ANKRD44: variants seen among roughly 807,000 people sequenced by gnomAD.
ANKRD44 encodes the protein serine/threonine-protein phosphatase 6 regulatory ankyrin repeat subunit B.
ANKRD44 carries 35 observed loss-of-function variants against 116.0 expected under a neutral mutation model. The observed-to-expected ratio is 0.30, with a 90% CI of 0.23 to 0.40. The LOEUF is 0.40. Ranked by LOEUF, ANKRD44 falls within the 10% of genes least tolerant of loss-of-function variation. ANKRD44 has a pLI of 1.00. For missense variants in ANKRD44, 1,014 were observed against 1,242.6 expected, an observed-to-expected ratio of 0.82 and a Z score of 2.77; for synonymous variants, 435 against 461.8, an observed-to-expected ratio of 0.94 and a Z score of 0.74.
At chr2:197,164,314 G>A (rs557937173) in intron 2 of ANKRD44, among the ~76,000 whole-genome samples, 1 of 152,152 alleles carries the variant, frequency 6.6e-6, no homozygotes, top group Non-Finnish European at 1.5e-5. Context: ...ACCCCTCTCT[G>A]GCAGCACAAG....
At chr2:197,278,460 A>G (rs567539176) in intron 1 of ANKRD44, among the ~76,000 whole-genome samples, 17 of 151,102 alleles carry the variant, frequency 1.1e-4, no homozygotes, top group Admixed American at 3.3e-4. Context: ...GGGTTCAAGC[A>G]ATTCTCCTGC....
At chr2:197,029,702 T>C (rs2076667476) in intron 16 of ANKRD44, 2 of 261,566 alleles carry the variant, frequency 7.6e-6, no homozygotes, top group South Asian at 7.4e-5. Flanking sequence ...CGATGATGGT[T>C]TCTCATTTTG....
At chr2:197,142,281 G>A (rs1426098283) in intron 3 of ANKRD44, among the ~76,000 whole-genome samples, 1 of 152,210 alleles carries the variant, frequency 6.6e-6, no homozygotes, top group East Asian at 1.9e-4. Flanking sequence ...GAAAACGGAA[G>A]TGGTGTGATA....
chr2:197,293,606 G>C (rs2083632241), intron 1 of ANKRD44, among the ~76,000 whole-genome samples: 1 of 152,188 alleles, frequency 6.6e-6, no homozygotes, highest in South Asian at 2.1e-4. Flanking sequence ...AAGCATATTA[G>C]AGAGGAATTT....
chr2:197,110,932 A>G (rs2078550388), intron 8 of ANKRD44, 88 bp from the exon 9 acceptor site: 7 of 862,796 alleles, frequency 8.1e-6, no homozygotes, highest in Non-Finnish European at 1.2e-5. Context: ...CACTCCTAAT[A>G]ATGCCCTGAA....
intron 21 of ANKRD44, among the ~76,000 whole-genome samples, chr2:197,003,754 C>G (rs192852981): frequency 1.1e-4 from 17 of 152,266 alleles, no homozygotes; most frequent in African/African-American, 4.1e-4. Context: ...ACTCTCACTG[C>G]ATCCTTCTCC....
intron 2 of ANKRD44, among the ~76,000 whole-genome samples, chr2:197,150,593 T>A (rs768259842): frequency 6.6e-6 from 1 of 151,872 alleles, no homozygotes; most frequent in Non-Finnish European, 1.5e-5. Context: ...TAGAAGTTCA[T>A]GTGATAGTCT....
At chr2:197,231,779 C>G (rs541285322) in intron 1 of ANKRD44, among the ~76,000 whole-genome samples, 11 of 152,056 alleles carry the variant, frequency 7.2e-5, no homozygotes, top group Non-Finnish European at 1.5e-4. Flanking sequence ...GAATGTAGGG[C>G]CTTGTTCATG....
chr2:197,060,861 C>T (rs1487731979), intron 16 of ANKRD44, among the ~76,000 whole-genome samples: 1 of 152,164 alleles, frequency 6.6e-6, no homozygotes, highest in Non-Finnish European at 1.5e-5. Context: ...GGATTCCCTT[C>T]TGTTTTAAAG....
chr2:197,065,333 T>C (rs1206423897), intron 16 of ANKRD44, among the ~76,000 whole-genome samples: 1 of 152,128 alleles, frequency 6.6e-6, no homozygotes, highest in East Asian at 1.9e-4. Flanking sequence ...TAGCACTAAA[T>C]ACCCACAAGA....
chr2:197,275,095 T>C (rs2083035294), intron 1 of ANKRD44, among the ~76,000 whole-genome samples: 3 of 151,762 alleles, frequency 2.0e-5, no homozygotes, highest in Non-Finnish European at 1.5e-5. Flanking sequence ...GGTGACAGAC[T>C]GGGACTTTGT....
At chr2:197,069,763 TA>T (rs745738975) in intron 16 of ANKRD44, among the ~76,000 whole-genome samples, 44 of 152,274 alleles carry the variant, frequency 2.9e-4, no homozygotes, top group Admixed American at 1.5e-3. Context: ...ATATAAATTT[TA>T]GAAAAATCTT....
intron 17 of ANKRD44, among the ~76,000 whole-genome samples, chr2:197,016,743 CA>C (rs141774214): frequency 3.3e-5 from 5 of 151,460 alleles, no homozygotes; most frequent in Admixed American, 6.6e-5. Context: ...TCAGAATTCA[CA>C]AAAAAAAGAA....
chr2:197,034,541 T>C (rs1295724525), intron 16 of ANKRD44, among the ~76,000 whole-genome samples: 1 of 139,840 alleles, frequency 7.2e-6, no homozygotes, highest in African/African-American at 2.6e-5. Context: ...GTCCTCTGCC[T>C]AAAAAAAAAA....
chr2:196,989,475 C>T lies in ANKRD44; in HGVS notation c.*116G>A. 1 of 1,313,896 alleles carries T rather than the reference C, an allele frequency of 7.6e-7. No homozygotes were observed. The allele number at this position is 1,313,896 out of a possible 1,614,324, so 81.4% of individuals were successfully genotyped here. A position where few individuals can be genotyped will look rare whatever the true frequency, so the allele number is the denominator to read the frequency against. Reference sequence around the variant, plus strand: ...GTGTATCTTCCATTTTAGACTGAAGCATTTTGGTCCTCATGTGTAGCTGGC... The same window carrying T: ...GTGTATCTTCCATTTTAGACTGAAGTATTTTGGTCCTCATGTGTAGCTGGC... On this transcript the variant is annotated 3_prime_UTR_variant, in exon 28 of 28. Coordinates refer to ENST00000282272, the MANE Select transcript of ANKRD44 (RefSeq NM_001195144.2).
intron 4 of ANKRD44, 74 bp from the exon 5 acceptor site, chr2:197,126,111 C>T (rs1315745493): frequency 1.3e-6 from 2 of 1,495,246 alleles, no homozygotes; most frequent in East Asian, 2.3e-5. Flanking sequence ...AGATGCTTCA[C>T]CAAACCCTGG....
At chr2:197,186,947 G>A in intron 2 of ANKRD44, 76 bp downstream of exon 2, 1 of 1,171,066 alleles carries the variant, frequency 8.5e-7, no homozygotes, top group Non-Finnish European at 1.3e-6. Context: ...AAGAGTCCAT[G>A]GTATATAAAA....
chr2:197,187,672 CT>C (rs2080716379), intron 1 of ANKRD44, among the ~76,000 whole-genome samples: 1 of 151,958 alleles, frequency 6.6e-6, no homozygotes, highest in Non-Finnish European at 1.5e-5. Flanking sequence ...CTCTCTCTCT[CT>C]CTCTCCCTCT....
chr2:197,032,481 C>T (rs1050958187), intron 16 of ANKRD44, among the ~76,000 whole-genome samples: 5 of 151,890 alleles, frequency 3.3e-5, no homozygotes, highest in Non-Finnish European at 5.9e-5. Flanking sequence ...TTCCGCCTCC[C>T]GGGTTCATGT....
Sources: gnomAD v4.1 joint callset for allele counts (sites outside exome capture counted in the v4.1 genomes callset) on GRCh38, gnomAD v4.1.1 for gene constraint, MANE v1.5 for transcripts, NCBI Gene and HGNC (gene_info 2026-07-23, HGNC 2026-07-21) for gene names.